PLEKHG1: variants seen among roughly 807,000 people sequenced by gnomAD.
PLEKHG1 encodes the protein pleckstrin homology and RhoGEF domain containing G1, also known as pleckstrin homology domain-containing family G member 1.
A neutral mutation model predicts 100.8 loss-of-function variants in PLEKHG1; 44 were observed. The ratio of observed to expected loss-of-function variants is 0.44; its 90% CI spans 0.34 to 0.56. The LOEUF (loss-of-function observed/expected upper bound fraction) is 0.56, where lower values mean the gene tolerates loss of function less well. PLEKHG1 is among the 20% of genes least tolerant of loss of function. The pLI is 0.01. For missense variants in PLEKHG1, 1,545 were observed against 1,720.9 expected (o/e 0.90, Z 1.81); for synonymous variants, 640 against 662.5 (o/e 0.97, Z 0.52).
Position 150,773,447 on chromosome 6 carries a change from T to A in PLEKHG1, c.512+4709T>A, listed in dbSNP as rs186407322. Among the ~76,000 whole-genome samples, 985 of 152,326 alleles carry A rather than the reference T, an allele frequency of 6.5e-3. 15 individuals are homozygous for A. Among genetic ancestry groups the A allele is most frequent in the African/African-American group, 0.023 (944 of 41,576 alleles). ...TACTCAGGAGGCTGAGGCAGGAGAA[T>A]TGCTTGAGCCCGGGAGGCAGAGGCT... On this transcript the variant is annotated intron_variant, in intron 3 of 15. Transcript: ENST00000358517.
At chr6:150,608,301 A>C (rs2128551947) in intron 1 of PLEKHG1, among the ~76,000 whole-genome samples, 1 of 152,362 alleles carries the variant, frequency 6.6e-6, no homozygotes, top group Middle Eastern at 3.4e-3. Context: ...GAGTTCTATC[A>C]CAGCAATGAC....
At chr6:150,633,984 G>A (rs565106634) in intron 1 of PLEKHG1, among the ~76,000 whole-genome samples, 1 of 151,844 alleles carries the variant, frequency 6.6e-6, no homozygotes, top group East Asian at 1.9e-4. Flanking sequence ...GCTCAGGCCT[G>A]TAATCCCAGC....
chr6:150,650,188 TGAGAAGAACTCAGAGAAGA>T (rs1349467603), intron 2 of PLEKHG1, among the ~76,000 whole-genome samples: 16 of 152,050 alleles, frequency 1.1e-4, no homozygotes, highest in African/African-American at 3.9e-4. Context: ...TGATGGAAAG[TGAGAAGAACTCAGAGAAGA>T]GTGGCTGTGG....
intron 1 of PLEKHG1, among the ~76,000 whole-genome samples, chr6:150,609,235 A>G (rs1271590154): frequency 6.6e-6 from 1 of 152,274 alleles, no homozygotes; most frequent in Non-Finnish European, 1.5e-5. Flanking sequence ...TGAACAAAAC[A>G]GACCAAACCT....
chr6:150,782,839 A>G (rs1785391828), intron 3 of PLEKHG1, among the ~76,000 whole-genome samples: 1 of 152,194 alleles, frequency 6.6e-6, no homozygotes, highest in South Asian at 2.1e-4. Flanking sequence ...CGAAGAGTTC[A>G]TGATTGACGT....
intron 4 of PLEKHG1, among the ~76,000 whole-genome samples, chr6:150,795,646 G>A (rs757046349): frequency 2.6e-5 from 4 of 151,562 alleles, no homozygotes; most frequent in African/African-American, 7.3e-5. Flanking sequence ...CGCTTGAACC[G>A]GGGAGGCGGA....
intron 10 of PLEKHG1, among the ~76,000 whole-genome samples, chr6:150,814,161 T>C (rs1051797483): frequency 6.6e-6 from 1 of 152,198 alleles, no homozygotes; most frequent in South Asian, 2.1e-4. Context: ...GGACTGCATT[T>C]TCTTTATGAT....
intron 1 of PLEKHG1, among the ~76,000 whole-genome samples, chr6:150,606,732 T>C (rs1270575713): frequency 6.6e-6 from 1 of 152,184 alleles, no homozygotes; most frequent in Non-Finnish European, 1.5e-5. Flanking sequence ...AAAACTTGGC[T>C]ATTTCTGGCT....
At chr6:150,750,622 T>C (rs1783453155) in intron 2 of PLEKHG1, among the ~76,000 whole-genome samples, 1 of 150,270 alleles carries the variant, frequency 6.7e-6, no homozygotes, top group Non-Finnish European at 1.5e-5. Context: ...CTACTAAAAA[T>C]ACAAAAAAAT....
At chr6:150,704,483 C>T (rs76931906) in intron 3 of PLEKHG1, among the ~76,000 whole-genome samples, 6,475 of 152,300 alleles carry the variant, frequency 0.043, 441 homozygotes, top group African/African-American at 0.15. Context: ...CCCATCAAAG[C>T]GTTTTTCATT....
chr6:150,739,364 T>TA (rs914625700), intron 2 of PLEKHG1, among the ~76,000 whole-genome samples: 14 of 151,278 alleles, frequency 9.3e-5, no homozygotes, highest in Admixed American at 2.6e-4. Context: ...AAGTGTATTT[T>TA]AAAAAAAAAG....
intron 3 of PLEKHG1, among the ~76,000 whole-genome samples, chr6:150,779,343 A>ATTTTTTTTTTTT (rs1785166351): frequency 1.1e-5 from 1 of 88,552 alleles, no homozygotes; most frequent in African/African-American, 8.6e-5. Context: ...ATTGTCAAGA[A>ATTTTTTTTTTTT]GTTTTTTTTT....
At chr6:150,719,449 G>A (rs1302930359), upstream of PLEKHG1, among the ~76,000 whole-genome samples, 1 of 152,108 alleles carries the variant, frequency 6.6e-6, no homozygotes, top group Non-Finnish European at 1.5e-5. Context: ...TGTCTGCCTC[G>A]AGAATATCAA....
intron 2 of PLEKHG1, among the ~76,000 whole-genome samples, chr6:150,736,147 C>A (rs1439363645): frequency 6.6e-6 from 1 of 152,154 alleles, no homozygotes; most frequent in Non-Finnish European, 1.5e-5. Flanking sequence ...CAGCCATGTA[C>A]ACTGTGAATA....
intron 3 of PLEKHG1, among the ~76,000 whole-genome samples, chr6:150,651,406 G>C (rs1215531828): frequency 3.3e-5 from 5 of 151,952 alleles, no homozygotes; most frequent in African/African-American, 1.2e-4. Flanking sequence ...GCTAATTTTT[G>C]TATTTTTAGT....
chr6:150,666,050 G>A (rs533158119), intron 3 of PLEKHG1, among the ~76,000 whole-genome samples: 15 of 152,242 alleles, frequency 9.9e-5, no homozygotes, highest in East Asian at 3.9e-4. Context: ...AAATGCTCTC[G>A]TTTAGACAAC....
intron 3 of PLEKHG1, among the ~76,000 whole-genome samples, chr6:150,707,941 C>T (rs1284440063): frequency 6.6e-6 from 1 of 152,138 alleles, no homozygotes; most frequent in Non-Finnish European, 1.5e-5. Flanking sequence ...CGTCACTGCC[C>T]TTCCACCCAC....
chr6:150,785,107 G>A (rs1465834254), intron 3 of PLEKHG1, among the ~76,000 whole-genome samples: 1 of 151,766 alleles, frequency 6.6e-6, no homozygotes, highest in Non-Finnish European at 1.5e-5. Flanking sequence ...TGAGGAAACT[G>A]AGAGTAAATA....
exon 1 of PLEKHG1, chr6:150,599,929 C>A: frequency 5.1e-6 from 1 of 195,630 alleles, no homozygotes; most frequent in South Asian, 6.9e-5. Flanking sequence ...GCAGGGCGCT[C>A]CGGCAGCCCG....
Sources: gnomAD v4.1 joint callset for allele counts (sites outside exome capture counted in the v4.1 genomes callset) on GRCh38, gnomAD v4.1.1 for gene constraint, MANE v1.5 for transcripts, NCBI Gene and HGNC (gene_info 2026-07-23, HGNC 2026-07-21) for gene names.